KIF17: variants seen among roughly 807,000 people sequenced by gnomAD.
KIF17 encodes the protein kinesin-like protein KIF17.
In KIF17, 80 loss-of-function variants were observed where a neutral mutation model predicts 96.8. The ratio of observed to expected loss-of-function variants is 0.83; its 90% CI spans 0.69 to 1.00. The LOEUF (loss-of-function observed/expected upper bound fraction) is 1.00. Ranked by LOEUF, KIF17 falls within the 50% of genes least tolerant of loss-of-function variation. The pLI, the probability that KIF17 is intolerant of heterozygous loss-of-function variation, is 0.00. For missense variants in KIF17, 1,280 were observed against 1,372.9 expected (o/e 0.93, Z 1.07); for synonymous variants, 567 against 587.5 (o/e 0.97, Z 0.51).
Position 20,717,799 on chromosome 1 carries a change from C to T in KIF17, c.-93G>A. Reference sequence around the variant, plus strand: ...GGCCAAGGGGCGGGGCCAGCGCCGGCCACGGGGGGCGGGGCCTTGAGGCAG... The same window carrying T: ...GGCCAAGGGGCGGGGCCAGCGCCGGTCACGGGGGGCGGGGCCTTGAGGCAG... On this transcript the variant is annotated 5_prime_UTR_variant, in exon 1 of 15. Coordinates refer to ENST00000400463, the MANE Select transcript of KIF17 (RefSeq NM_001122819.3). 5 of 1,329,286 alleles carry T rather than the reference C, an allele frequency of 3.8e-6. No individual in the cohort carries two copies. Among genetic ancestry groups the T allele is most frequent in the South Asian group, 1.9e-5 (1 of 53,342 alleles). 82.3% of individuals were successfully genotyped at this position (1,329,286 alleles called of 1,614,324 possible).
rs1012297137 is a variant in KIF17, at chr1:20,687,377, A to T, written c.1938+11T>A. On this transcript the variant is annotated intron_variant, in intron 8 of 14. Coordinates refer to ENST00000400463, the MANE Select transcript of KIF17 (RefSeq NM_001122819.3). The surrounding 1 kb of genome is among the most constrained non-coding windows in gnomAD (Gnocchi z 4.4). ...CAGTGTTCACATGGCACCATGCGTG[A>T]CATCAGCTACCTGCACAGGGACCTT... 5.7e-5 allele frequency: 92 copies of T among 1,612,274 alleles called. No homozygotes were observed. Among genetic ancestry groups the T allele is most frequent in the Non-Finnish European group, 7.5e-5 (89 of 1,179,754 alleles).
rs1463872782 is a variant in KIF17 at position 20,717,905 on chromosome 1, G to T, written c.-199C>A. On this transcript the variant is annotated 5_prime_UTR_variant, in exon 1 of 15. Transcript: ENST00000400463. ...TGGGCGTCGCAGGACCCGAGCCGGG[G>T]CCGCCGCTTCCTCCCGCGCCCGGGC... 1 of 250,826 alleles carries T rather than the reference G, an allele frequency of 4.0e-6. No individual in the cohort carries two copies. The highest frequency in any genetic ancestry group is 2.3e-5 in the African/African-American group (1 of 43,440). 15.5% of individuals were successfully genotyped at this position (250,826 alleles called of 1,614,324 possible).
At chr1:20,701,667 A>T (rs1473917474) in intron 5 of KIF17, among the ~76,000 whole-genome samples, 1 of 152,144 alleles carries the variant, frequency 6.6e-6, no homozygotes, top group Non-Finnish European at 1.5e-5. Context: ...GAAGGGAGCC[A>T]GGGCAGAGGG....
chr1:20,712,500 G>A (rs2054455000), intron 3 of KIF17, among the ~76,000 whole-genome samples: 1 of 140,256 alleles, frequency 7.1e-6, no homozygotes, highest in African/African-American at 2.6e-5. Context: ...TTCGAAGCCA[G>A]CTTGGGCAAC....
intron 11 of KIF17, among the ~76,000 whole-genome samples, chr1:20,679,086 C>T (rs1399996628): frequency 1.3e-5 from 2 of 151,192 alleles, no homozygotes; most frequent in South Asian, 2.1e-4. Flanking sequence ...CTGAGGCCGG[C>T]AGATCATTTG....
intron 4 of KIF17, among the ~76,000 whole-genome samples, chr1:20,706,672 C>A (rs1174968908): frequency 6.6e-6 from 1 of 151,620 alleles, no homozygotes; most frequent in East Asian, 1.9e-4. Flanking sequence ...GATTGCTTGA[C>A]CCCAGGAGTT....
chr1:20,694,576 G>A (rs72650874), intron 6 of KIF17, among the ~76,000 whole-genome samples: 2,812 of 152,300 alleles, frequency 0.018, 47 homozygotes, highest in Non-Finnish European at 0.027. Context: ...CAGGGATGGC[G>A]TGGGCAAGCA....
chr1:20,674,676 A>G (rs72650865), intron 11 of KIF17, among the ~76,000 whole-genome samples: 15,857 of 151,836 alleles, frequency 0.1, 1,054 homozygotes, highest in Middle Eastern at 0.19. Flanking sequence ...TTTTCTTCCA[A>G]GAGTTTTACA....
intron 4 of KIF17, among the ~76,000 whole-genome samples, chr1:20,708,751 G>C (rs970047009): frequency 2.6e-5 from 4 of 152,200 alleles, no homozygotes; most frequent in African/African-American, 9.6e-5. Context: ...TAAGACTGTC[G>C]TGAGATTTAA....
At chr1:20,711,404 C>A (rs1287262693) in intron 3 of KIF17, among the ~76,000 whole-genome samples, 1 of 152,168 alleles carries the variant, frequency 6.6e-6, no homozygotes, top group South Asian at 2.1e-4. Flanking sequence ...CCTGGGGAGG[C>A]GCTGAGTGAC....
intron 7 of KIF17, 84 bp from the exon 8 acceptor site, chr1:20,688,028 G>T: frequency 7.8e-6 from 9 of 1,155,776 alleles, no homozygotes; most frequent in African/African-American, 1.5e-5. Flanking sequence ...AGCCCAGTGT[G>T]TTGTTTTTTT....
At chr1:20,712,285 C>T (rs1426240171) in intron 3 of KIF17, among the ~76,000 whole-genome samples, 1 of 151,896 alleles carries the variant, frequency 6.6e-6, no homozygotes, top group Non-Finnish European at 1.5e-5. Context: ...GAGCAACACC[C>T]TCTGTTGCCT....
rs899114155 is a variant in KIF17, at chr1:20,713,564, A to T, written c.379-9T>A. 2.5e-6 allele frequency: 4 copies of T among 1,603,754 alleles called. No individual in the cohort carries two copies. Among genetic ancestry groups the T allele is most frequent in the African/African-American group, 2.7e-5 (2 of 74,654 alleles). ...TTAGTGTTCTCTGCACACTGCAGGG[A>T]GTACACAGAAAGAACCTAGACCTCA... On this transcript the variant is annotated splice_polypyrimidine_tract_variant and intron_variant, in intron 2 of 14. Coordinates refer to ENST00000400463, the MANE Select transcript of KIF17 (RefSeq NM_001122819.3).
At chr1:20,661,717 CG>C (rs1557575362), downstream of KIF17, among the ~76,000 whole-genome samples, 1 of 152,270 alleles carries the variant, frequency 6.6e-6, no homozygotes, top group Non-Finnish European at 1.5e-5. Flanking sequence ...CTGGAGCTTG[CG>C]GGGTCCTCCC....
chr1:20,704,925 G>A lies in KIF17; in HGVS notation c.671-26C>T, dbSNP rs763989192. ...CTGCACACAGACCAGGCAAAGTGGC[G>A]AGGGCCTCGGGTGAGCCCTATGTAT... On this transcript the variant is annotated intron_variant, in intron 4 of 14. Coordinates refer to ENST00000400463, the MANE Select transcript of KIF17 (RefSeq NM_001122819.3). The surrounding 1 kb of genome is among the most constrained non-coding windows in gnomAD (Gnocchi z 6.8). The A allele has an allele frequency of 3.5e-5, 56 of 1,591,048 alleles. No individual in the cohort carries two copies. The highest frequency in any genetic ancestry group is 8.3e-5 in the Admixed American group (5 of 59,946).
At position 20,664,519 on chromosome 1, in the gene KIF17, G is replaced by C. The variant is rs997152297; in HGVS notation, c.*65C>G. On this transcript the variant is annotated 3_prime_UTR_variant, in exon 15 of 15. Transcript: ENST00000400463. ...GCAGGTGGGAGGAGACCTGGTTGGGGCTGCCCTGGGAGGGCCTGGCAGTCT... is the reference window on the plus strand; with the variant it reads ...GCAGGTGGGAGGAGACCTGGTTGGGCCTGCCCTGGGAGGGCCTGGCAGTCT... 23 of 1,612,314 alleles carry C rather than the reference G, an allele frequency of 1.4e-5. No homozygotes were observed. Among genetic ancestry groups the C allele is most frequent in the Non-Finnish European group, 1.7e-5 (20 of 1,179,934 alleles).
chr1:20,687,960 C>T lies in KIF17; in HGVS notation c.1382-16G>A, dbSNP rs772310290. On this transcript the variant is annotated splice_polypyrimidine_tract_variant and intron_variant, in intron 7 of 14. Transcript: ENST00000400463. The surrounding 1 kb of genome is among the most constrained non-coding windows in gnomAD (Gnocchi z 4.4). ...AGGACAGCCTCTGCAAAATGGAGAA[C>T]TTCCTTCAGGTTTTTAAAGGGTCAG... is the stretch of plus-strand genomic sequence containing the variant. The T allele has an allele frequency of 6.2e-7, 1 of 1,612,096 alleles. No individual in the cohort carries two copies. Among genetic ancestry groups the T allele is most frequent in the Non-Finnish European group, 8.5e-7 (1 of 1,178,830 alleles).
downstream of KIF17, among the ~76,000 whole-genome samples, chr1:20,662,954 G>A (rs1256789894): frequency 2.0e-5 from 3 of 152,168 alleles, no homozygotes; most frequent in African/African-American, 7.2e-5. Context: ...TCGACCAGGC[G>A]CGGTGGCTCA....
chr1:20,666,102 G>T, intron 14 of KIF17, 112 bp downstream of exon 14: 1 of 832,658 alleles, frequency 1.2e-6, no homozygotes, highest in Non-Finnish European at 2.1e-6. Context: ...GGAAACTGAG[G>T]CTCCGAGAGG....
Sources: gnomAD v4.1 joint callset for allele counts (sites outside exome capture counted in the v4.1 genomes callset) on GRCh38, gnomAD v4.1.1 for gene constraint, Gnocchi (gnomAD v3.1) non-coding constraint, MANE v1.5 for transcripts, NCBI Gene and HGNC (gene_info 2026-07-23, HGNC 2026-07-21) for gene names.